ZC3H3: variants seen among roughly 807,000 people sequenced by gnomAD.
ZC3H3 encodes zinc finger CCCH-type containing 3, also known as zinc finger CCCH domain-containing protein 3.
A neutral mutation model predicts 77.3 loss-of-function variants in ZC3H3; 36 were observed. The ratio of observed to expected loss-of-function variants is 0.47; its 90% CI spans 0.36 to 0.61. The LOEUF (loss-of-function observed/expected upper bound fraction) is 0.61. Among genes scored for constraint, ZC3H3 ranks in the 20% least tolerant of loss-of-function variants. The probability of loss-of-function intolerance (pLI) is 0.00; values close to 1 mark genes in which losing one functional copy is unlikely to be tolerated. For missense variants in ZC3H3, 1,331 were observed against 1,312.2 expected (o/e 1.01, Z -0.22); for synonymous variants, 626 against 555.2 (o/e 1.13, Z -1.79).
chr8:143,534,876 C>T (rs1822742284), intron 3 of ZC3H3, among the ~76,000 whole-genome samples: 1 of 152,056 alleles, frequency 6.6e-6, no homozygotes, highest in Non-Finnish European at 1.5e-5. Flanking sequence ...GCCCCACTTC[C>T]TCCCACCCCA....
chr8:143,485,139 C>T (rs927765171), intron 4 of ZC3H3, among the ~76,000 whole-genome samples: 1 of 152,168 alleles, frequency 6.6e-6, no homozygotes, highest in Non-Finnish European at 1.5e-5. Context: ...GCAGGGGCGC[C>T]GGGCCAACAT....
chr8:143,506,360 C>T (rs1186562887), intron 4 of ZC3H3, among the ~76,000 whole-genome samples: 3 of 152,132 alleles, frequency 2.0e-5, no homozygotes, highest in African/African-American at 4.8e-5. Context: ...CCCGATGATC[C>T]GGGGCTCTTA....
chr8:143,474,655 C>A (rs1406091104), intron 5 of ZC3H3, among the ~76,000 whole-genome samples: 1 of 152,218 alleles, frequency 6.6e-6, no homozygotes, highest in East Asian at 1.9e-4. Flanking sequence ...TCTCTAGGTC[C>A]CAGGCGGGTC....
intron 4 of ZC3H3, among the ~76,000 whole-genome samples, chr8:143,479,746 T>C (rs369421980): frequency 6.6e-6 from 1 of 152,182 alleles, no homozygotes; most frequent in African/African-American, 2.4e-5. Flanking sequence ...CCAGGATTTA[T>C]CACCATAACC....
chr8:143,490,327 C>T (rs1371257560), intron 4 of ZC3H3, among the ~76,000 whole-genome samples: 2 of 152,318 alleles, frequency 1.3e-5, no homozygotes, highest in Non-Finnish European at 2.9e-5. Flanking sequence ...GCTAAGGACT[C>T]CCACCCCCAA....
Position 143,475,496 on chromosome 8 carries a change from C to T in ZC3H3, c.1805G>A (p.Arg602His), listed in dbSNP as rs901634229. ...GSPWWRSKGYRCIGGVLYKVS... is the reference protein window; with the variant it reads ...GSPWWRSKGYHCIGGVLYKVS... The stretch of plus-strand genomic sequence containing the variant: ...TTTGTAGAGGACCCCTCCGATGCAG[C>T]GGTAGCCTTTGCTCCGCCACCAAGG... Residue 602 changes from arginine (R) to histidine (H), a missense_variant, in exon 5 of 12, where the codon CGC becomes CAC. Physicochemically the swap from Arg to His is conservative, Grantham distance 29. Around this residue, in one of 3 missense-constraint regions of ZC3H3, gnomAD observed 978 missense variants for 915.5 expected, o/e 1.07. Transcript: ENST00000262577. 11 of 1,612,956 alleles carry T rather than the reference C, an allele frequency of 6.8e-6. No individual in the cohort carries two copies. The highest frequency in any genetic ancestry group is 2.2e-5 in the East Asian group (1 of 44,886).
intron 4 of ZC3H3, among the ~76,000 whole-genome samples, chr8:143,492,896 C>A (rs1234292776): frequency 1.9e-5 from 1 of 52,218 alleles, no homozygotes; most frequent in African/African-American, 9.8e-5. Flanking sequence ...CGTGTCCTGG[C>A]CCAGGGGCTC....
chr8:143,440,600 A>T (rs1430938409), intron 10 of ZC3H3, among the ~76,000 whole-genome samples: 5 of 152,040 alleles, frequency 3.3e-5, no homozygotes, highest in Non-Finnish European at 5.9e-5. Context: ...CCTGGTCTCC[A>T]TGGGGCTCCA....
intron 5 of ZC3H3, among the ~76,000 whole-genome samples, chr8:143,473,376 C>T (rs150162618): frequency 5.9e-5 from 9 of 152,300 alleles, no homozygotes; most frequent in East Asian, 1.9e-4. Context: ...TGACTGGACA[C>T]GAGTCTGCGT....
intron 4 of ZC3H3, chr8:143,484,730 G>C (rs1465099686): frequency 3.0e-6 from 1 of 334,386 alleles, no homozygotes; most frequent in African/African-American, 2.2e-5. Context: ...CACTCTGTCT[G>C]TGCCAGCTAC....
chr8:143,509,505 G>A lies in ZC3H3; in HGVS notation c.1562-1606C>T, dbSNP rs1406450615. Among the ~76,000 whole-genome samples the A allele has an allele frequency of 2.0e-5, 3 of 152,280 alleles. No individual in the cohort carries two copies. In the East Asian group the frequency reaches 5.8e-4, roughly 29 times the overall value. On this transcript the variant is annotated intron_variant, in intron 3 of 11. Transcript: ENST00000262577. Reference sequence around the variant, plus strand: ...TGCCAGCCATGGGGCCGGGCCTCAGGGCTGCCACCAGCCCACCCCCAACCC... The same window carrying A: ...TGCCAGCCATGGGGCCGGGCCTCAGAGCTGCCACCAGCCCACCCCCAACCC...
At chr8:143,472,822 G>T (rs1285911295) in intron 5 of ZC3H3, among the ~76,000 whole-genome samples, 1 of 152,196 alleles carries the variant, frequency 6.6e-6, no homozygotes, top group South Asian at 2.1e-4. Flanking sequence ...TCCCAAGGAC[G>T]CACCGCGACC....
chr8:143,478,192 C>T (rs1820795648), intron 4 of ZC3H3, among the ~76,000 whole-genome samples: 1 of 152,228 alleles, frequency 6.6e-6, no homozygotes, highest in Non-Finnish European at 1.5e-5. Context: ...CCCAGGTGTG[C>T]AAGGACTCAC....
rs1413547068 is a variant in ZC3H3 at position 143,530,615 on chromosome 8, AGTCATGCCT to A, written c.1561+5633_1561+5641del. On this transcript the variant is annotated intron_variant, in intron 3 of 11. Transcript: ENST00000262577. This position sits in a 1 kb window ranked among gnomAD's most constrained non-coding sequence, Gnocchi z 4.3. ...CTGCACAGGCCGGCCAGGCTTAGGGAGTCATGCCTGTCATCTCAGGGTGGCCGAGCACAG... is the reference window on the plus strand; with the variant it reads ...CTGCACAGGCCGGCCAGGCTTAGGGAGTCATCTCAGGGTGGCCGAGCACAG... Among the ~76,000 whole-genome samples the A allele has an allele frequency of 6.6e-6, 1 of 151,926 alleles. No homozygotes were observed. The highest frequency in any genetic ancestry group is 2.4e-5 in the African/African-American group (1 of 41,366).
At chr8:143,451,902 G>GT (rs1819996995) in intron 9 of ZC3H3, among the ~76,000 whole-genome samples, 1 of 152,284 alleles carries the variant, frequency 6.6e-6, no homozygotes, top group African/African-American at 2.4e-5. Flanking sequence ...AAGTGCCACC[G>GT]TAACAAACCC....
At chr8:143,535,952 T>G (rs1468205773) in intron 3 of ZC3H3, among the ~76,000 whole-genome samples, 4 of 151,990 alleles carry the variant, frequency 2.6e-5, no homozygotes, top group African/African-American at 9.7e-5. Context: ...CACCCCTGCT[T>G]AAGGGCTCAG....
At chr8:143,524,451 C>T (rs1325778278) in intron 3 of ZC3H3, among the ~76,000 whole-genome samples, 1 of 152,236 alleles carries the variant, frequency 6.6e-6, no homozygotes, top group Non-Finnish European at 1.5e-5. Context: ...CAGACACACC[C>T]GGCCGAGGGG....
At position 143,538,457 on chromosome 8, in the gene ZC3H3, T is replaced by C. The variant is rs1307756421; in HGVS notation, c.910A>G (p.Asn304Asp). The change falls in exon 2 of 12, where the codon AAC (asparagine) becomes GAC (aspartate). Residue 304 changes from asparagine to aspartate, a missense_variant. Asn to Asp is a conservative substitution (Grantham distance 23, BLOSUM62 1). This residue lies in a region of ZC3H3 where 978 missense variants were observed against 915.5 expected (regional missense o/e 1.07). Coordinates refer to ENST00000262577, the MANE Select transcript of ZC3H3 (RefSeq NM_015117.3). ...EASLVVTCRT[N>D]KFRKNNYKWV... ...TTGTAGTTGTTTTTCCGGAACTTGT[T>C]AGTTCGACAGGTCACAACCAGCGAG... 1.2e-6 allele frequency: 2 copies of C among 1,613,122 alleles called. No homozygotes were observed. The highest frequency in any genetic ancestry group is 1.7e-6 in the Non-Finnish European group (2 of 1,180,032).
chr8:143,502,004 T>C (rs1056685068), intron 4 of ZC3H3, among the ~76,000 whole-genome samples: 1 of 152,178 alleles, frequency 6.6e-6, no homozygotes, highest in Non-Finnish European at 1.5e-5. Context: ...GGGGCCCTCA[T>C]GATGGGACGA....
Sources: allele counts gnomAD v4.1 joint callset (sites outside exome capture counted in the v4.1 genomes callset), GRCh38; gene constraint gnomAD v4.1.1; regional missense constraint gnomAD v4.1.1; non-coding constraint Gnocchi (gnomAD v3.1); transcripts MANE v1.5; gene names NCBI Gene and HGNC (gene_info 2026-07-23, HGNC 2026-07-21).